The following SAMD5 variants were observed in gnomAD, a reference collection of about 807,000 sequenced individuals.
SAMD5 encodes sterile alpha motif domain-containing protein 5.
SAMD5 carries 13 observed loss-of-function variants against 11.3 expected under a neutral mutation model. The ratio of observed to expected loss-of-function variants is 1.15; its 90% confidence interval spans 0.75 to 1.83. The LOEUF (loss-of-function observed/expected upper bound fraction) is 1.83. SAMD5 is among the 40% of genes most tolerant of loss of function. The pLI is 0.00. For missense variants in SAMD5, 255 were observed against 239.1 expected, an observed-to-expected ratio of 1.07 and a Z score of -0.44; for synonymous variants, 129 against 111.3, an observed-to-expected ratio of 1.16 and a Z score of -1.00.
chr6:147,620,754 C>T (rs1016513842), intron 1 of SAMD5, among the ~76,000 whole-genome samples: 1 of 152,162 alleles, frequency 6.6e-6, no homozygotes, highest in Non-Finnish European at 1.5e-5. Flanking sequence ...AGGCTTACCT[C>T]AGGGGCTGTA....
At chr6:147,600,905 GT>G (rs1789605221) in intron 1 of SAMD5, among the ~76,000 whole-genome samples, 1 of 152,218 alleles carries the variant, frequency 6.6e-6, no homozygotes, top group East Asian at 1.9e-4. Flanking sequence ...ACCCTTGACT[GT>G]GTGTGAACAG....
the SAMD5 span, among the ~76,000 whole-genome samples, chr6:147,837,147 TG>T: frequency 6.6e-6 from 1 of 152,298 alleles, no homozygotes; most frequent in Non-Finnish European, 1.5e-5. Flanking sequence ...GTGGTGAATT[TG>T]TTTCTTATTA....
chr6:147,777,213 A>C, the SAMD5 span, among the ~76,000 whole-genome samples: 1 of 152,070 alleles, frequency 6.6e-6, no homozygotes, highest in Non-Finnish European at 1.5e-5. Flanking sequence ...GCAATTAGTT[A>C]TAACTCGCAT....
At chr6:147,931,198 A>G in the SAMD5 span, among the ~76,000 whole-genome samples, 2 of 152,222 alleles carry the variant, frequency 1.3e-5, no homozygotes, top group African/African-American at 2.4e-5. Context: ...GATAAAGTAT[A>G]ATAATCATAA....
rs544340561 is a variant in SAMD5, at chr6:147,663,477, T to C, written c.163-73840T>C. Among the ~76,000 whole-genome samples, 6 of 151,904 alleles carry C rather than the reference T, an allele frequency of 3.9e-5. No homozygotes were observed. The East Asian group carries it at 1.2e-3, about 29-fold the overall frequency. On this transcript the variant is annotated intron_variant, in intron 1 of 1. Coordinates refer to the SAMD5 transcript ENST00000566741. ...TGTACCCTTGAAGTTAAAATAAAAG[T>C]TAATCAAAAAAGAAAACAAGGGGGC...
chr6:147,601,484 A>T (rs945807247), intron 1 of SAMD5, among the ~76,000 whole-genome samples: 3 of 127,638 alleles, frequency 2.4e-5, no homozygotes, highest in African/African-American at 5.1e-5. Flanking sequence ...CTTGTGATTT[A>T]AAAAAAAAAT....
the SAMD5 span, among the ~76,000 whole-genome samples, chr6:147,794,732 C>A: frequency 6.6e-6 from 1 of 152,132 alleles, no homozygotes; most frequent in Non-Finnish European, 1.5e-5. Flanking sequence ...CCTTGAGGCA[C>A]AGTAATACGT....
intron 1 of SAMD5, among the ~76,000 whole-genome samples, chr6:147,620,679 C>G (rs140333969): frequency 1.2e-4 from 19 of 152,280 alleles, no homozygotes; most frequent in African/African-American, 4.6e-4. Flanking sequence ...CACTGGTGTG[C>G]TGGGAGTTGA....
chr6:147,591,500 G>C (rs562855431), intron 1 of SAMD5, among the ~76,000 whole-genome samples: 2 of 152,276 alleles, frequency 1.3e-5, no homozygotes, highest in South Asian at 2.1e-4. Context: ...ACTAAGAACA[G>C]AGTTCACTAA....
chr6:147,829,246 C>T, the SAMD5 span, among the ~76,000 whole-genome samples: 2 of 152,184 alleles, frequency 1.3e-5, no homozygotes, highest in Non-Finnish European at 2.9e-5. Flanking sequence ...GGTGATGGGG[C>T]CCCTGCCTCA....
In SAMD5 at chr6:147,626,791, GAAAAA is replaced by G. The variant is rs529975933; in HGVS notation, c.163-110504_163-110500del. Among the ~76,000 whole-genome samples, 66 of 54,730 alleles carry G rather than the reference GAAAAA, an allele frequency of 1.2e-3. 1 individual carries two copies. The highest frequency in any genetic ancestry group is 0.01 in the South Asian group (8 of 782). 35.9% of individuals were successfully genotyped at this position (54,730 alleles called of 152,430 possible). ...CAACATAACGAGACACTGTTTCTAT[GAAAAA>G]AAAAAAAAAAAAAAAAAAAAAGAAA... On this transcript the variant is annotated intron_variant, in intron 1 of 1. Coordinates refer to the SAMD5 transcript ENST00000566741.
Position 147,671,254 on chromosome 6 carries a change from A to G in SAMD5, c.163-66063A>G, listed in dbSNP as rs577506866. On this transcript the variant is annotated intron_variant, in intron 1 of 1. Coordinates refer to the SAMD5 transcript ENST00000566741. ...GTCTCTGATCACAGATCACCATAGCAGGTATAATGAAAAGTTTGAAACATT... is the reference window on the plus strand; with the variant it reads ...GTCTCTGATCACAGATCACCATAGCGGGTATAATGAAAAGTTTGAAACATT... Among the ~76,000 whole-genome samples, 239 of 152,318 alleles carry G rather than the reference A, an allele frequency of 1.6e-3. 1 individual carries two copies. The highest frequency in any genetic ancestry group is 1.4e-3 in the Non-Finnish European group (93 of 68,028).
intron 1 of SAMD5, among the ~76,000 whole-genome samples, chr6:147,677,146 C>T (rs544557810): frequency 1.8e-4 from 28 of 152,124 alleles, no homozygotes; most frequent in Admixed American, 1.6e-3. Context: ...CGGTGTGCTG[C>T]GGATAGTCAT....
chr6:147,719,071 C>T (rs1430552119), intron 1 of SAMD5, among the ~76,000 whole-genome samples: 1 of 152,200 alleles, frequency 6.6e-6, no homozygotes, highest in African/African-American at 2.4e-5. Flanking sequence ...TCAGCAGATG[C>T]TATGGTGGAT....
downstream of SAMD5, among the ~76,000 whole-genome samples, chr6:147,573,810 T>C (rs1789173544): frequency 1.3e-5 from 2 of 152,130 alleles, no homozygotes; most frequent in South Asian, 4.1e-4. Flanking sequence ...AAAATTGTTT[T>C]CAAGATATGC....
the SAMD5 span, among the ~76,000 whole-genome samples, chr6:147,851,318 T>C: frequency 6.6e-6 from 1 of 152,288 alleles, no homozygotes; most frequent in South Asian, 2.1e-4. Context: ...GTATCATATG[T>C]ATGTATAGAT....
intron 1 of SAMD5, among the ~76,000 whole-genome samples, chr6:147,548,879 T>A (rs1209827255): frequency 1.3e-5 from 2 of 152,046 alleles, no homozygotes; most frequent in African/African-American, 2.4e-5. Flanking sequence ...GCATTGCCCC[T>A]CCCTGCAGGA....
chr6:147,778,495 A>C, the SAMD5 span, among the ~76,000 whole-genome samples: 27,892 of 151,938 alleles, frequency 0.18, 3,328 homozygotes, highest in African/African-American at 0.34. Context: ...CACAGACTGC[A>C]CTTATCTGTC....
At chr6:147,644,016 A>T (rs1361866411) in intron 1 of SAMD5, among the ~76,000 whole-genome samples, 1 of 152,078 alleles carries the variant, frequency 6.6e-6, no homozygotes, top group African/African-American at 2.4e-5. Flanking sequence ...GAAAATTGGT[A>T]CGTTATTTGC....
Sources: gnomAD v4.1 joint callset for allele counts (sites outside exome capture counted in the v4.1 genomes callset) on GRCh38, gnomAD v4.1.1 for gene constraint, MANE v1.5 for transcripts, NCBI Gene and HGNC (gene_info 2026-07-23, HGNC 2026-07-21) for gene names.